Variants in ITGB6 observed in about 807,000 individuals in gnomAD.
ITGB6 encodes integrin beta-6.
A neutral mutation model predicts 84.5 loss-of-function variants in ITGB6; 80 were observed. The ratio of observed to expected loss-of-function variants is 0.95; its 90% confidence interval spans 0.79 to 1.14. ITGB6 has a LOEUF of 1.14. Ranked by LOEUF, ITGB6 falls within the 50% of genes most tolerant of loss-of-function variation. The pLI is 0.00. For synonymous variants in ITGB6, 383 were observed against 354.9 expected (o/e 1.08, Z -0.89); for missense variants, 1,006 against 968.0 (o/e 1.04, Z -0.52).
intron 4 of ITGB6, among the ~76,000 whole-genome samples, chr2:160,178,184 T>C (rs1426643737): frequency 6.6e-5 from 10 of 152,210 alleles, no homozygotes; most frequent in Non-Finnish European, 1.5e-4. Flanking sequence ...CAGTTATCTA[T>C]CTTTGGGCAA....
intron 8 of ITGB6, among the ~76,000 whole-genome samples, chr2:160,140,875 G>A (rs1208005584): frequency 2.0e-5 from 3 of 152,114 alleles, no homozygotes; most frequent in African/African-American, 7.2e-5. Flanking sequence ...AAAATTGGTG[G>A]GGCAACGTCA....
intron 7 of ITGB6, among the ~76,000 whole-genome samples, chr2:160,147,067 G>C (rs1684224432): frequency 7.1e-6 from 1 of 141,096 alleles, no homozygotes; most frequent in East Asian, 2.1e-4. Flanking sequence ...CTGGGTGACA[G>C]AGTGAGACCT....
intron 4 of ITGB6, among the ~76,000 whole-genome samples, chr2:160,187,092 G>A (rs62175396): frequency 0.15 from 23,526 of 151,956 alleles, 2,435 homozygotes; most frequent in Non-Finnish European, 0.24. Flanking sequence ...TTCTGCAAAC[G>A]TATCTTAGAA....
intron 4 of ITGB6, among the ~76,000 whole-genome samples, chr2:160,182,921 C>A (rs1685744350): frequency 6.6e-6 from 1 of 152,130 alleles, no homozygotes; most frequent in Admixed American, 6.6e-5. Flanking sequence ...GAAATAAAAT[C>A]CTTTACAGAC....
At position 160,099,701 on chromosome 2, in the gene ITGB6, A is replaced by G. The variant is rs938517100; in HGVS notation, c.*2035T>C. 1 of 152,238 alleles carries G rather than the reference A, an allele frequency of 6.6e-6. No homozygotes were observed. The highest frequency in any genetic ancestry group is 1.5e-5 in the Non-Finnish European group (1 of 68,032). 9.4% of individuals were successfully genotyped at this position (152,238 alleles called of 1,614,324 possible). A position where few individuals can be genotyped will look rare whatever the true frequency, so the allele number is the denominator to read the frequency against. The stretch of plus-strand genomic sequence containing the variant: ...TGTTTAAATTACCATGTTTATTTAT[A>G]TCAACACAAAATACAATAATAAACA... On this transcript the variant is annotated 3_prime_UTR_variant, in exon 15 of 15. Transcript: ENST00000283249.
chr2:160,115,376 A>G (rs1682721324), intron 12 of ITGB6, among the ~76,000 whole-genome samples: 2 of 152,202 alleles, frequency 1.3e-5, no homozygotes, highest in South Asian at 2.1e-4. Context: ...TTCTGCAGCC[A>G]CCGCTGCTGA....
At position 160,179,390 on chromosome 2, in the gene ITGB6, CT is replaced by C. The variant is rs71297445; in HGVS notation, c.594-5252del. On this transcript the variant is annotated intron_variant, in intron 4 of 14. Transcript: ENST00000283249. ...GCATTTCTTTTCTTTTTTTCTTTTT[CT>C]TTTTTTTTTTTTTTTGAGATGGACT... Among the ~76,000 whole-genome samples, 199 of 131,182 alleles carry C rather than the reference CT, an allele frequency of 1.5e-3. 1 individual carries two copies. Among genetic ancestry groups the C allele is most frequent in the South Asian group, 8.8e-3 (35 of 3,964 alleles). 86.1% of individuals were successfully genotyped at this position (131,182 alleles called of 152,430 possible).
At chr2:160,148,729 C>T (rs1260526624) in intron 7 of ITGB6, among the ~76,000 whole-genome samples, 4 of 152,200 alleles carry the variant, frequency 2.6e-5, no homozygotes, top group East Asian at 3.9e-4. Flanking sequence ...CCTGGAAAAA[C>T]GGGACATTCA....
chr2:160,183,945 C>T (rs1362388575), intron 4 of ITGB6, among the ~76,000 whole-genome samples: 1 of 152,162 alleles, frequency 6.6e-6, no homozygotes, highest in Non-Finnish European at 1.5e-5. Flanking sequence ...AACAAAGACA[C>T]AACGTAGTAG....
At chr2:160,172,842 A>C in intron 5 of ITGB6, 112 bp from the exon 6 acceptor site, 1 of 764,154 alleles carries the variant, frequency 1.3e-6, no homozygotes, top group East Asian at 2.5e-5. Flanking sequence ...TTGCTAGTCT[A>C]TTTTAGCCTT....
chr2:160,188,254 A>ATATG (rs1029641159), intron 4 of ITGB6, among the ~76,000 whole-genome samples: 1 of 152,162 alleles, frequency 6.6e-6, no homozygotes, highest in Non-Finnish European at 1.5e-5. Flanking sequence ...CTTGACATGT[A>ATATG]TATGTATGTA....
chr2:160,176,776 G>T (rs1403053668), intron 4 of ITGB6, among the ~76,000 whole-genome samples: 4 of 152,122 alleles, frequency 2.6e-5, no homozygotes, highest in Non-Finnish European at 5.9e-5. Flanking sequence ...AATAAGGCAG[G>T]TTCATTGAAG....
chr2:160,110,825 TG>T (rs1372663818), intron 13 of ITGB6, among the ~76,000 whole-genome samples: 1 of 152,146 alleles, frequency 6.6e-6, no homozygotes, highest in African/African-American at 2.4e-5. Flanking sequence ...CATGGACCTC[TG>T]GGGACAGGTT....
chr2:160,112,231 AC>A (rs762942313), intron 12 of ITGB6, 32 bp from the exon 13 acceptor site: 87 of 1,537,268 alleles, frequency 5.7e-5, no homozygotes, highest in Non-Finnish European at 1.2e-5. Context: ...ATTAGGTTAA[AC>A]AAGATTCCAA....
Position 160,196,225 on chromosome 2 carries a change from A to T in ITGB6, c.337T>A (p.Leu113Met), listed in dbSNP as rs767745535. ...QIAPQSLILK[L>M]RPGGAQTLQV... ...CCAAATCCTAACATACCTGGTCTCA[A>T]CTTAAGGATCAAGCTTTGAGGCGCA... Residue 113 changes from leucine (L) to methionine (M), a missense_variant, in exon 3 of 15, where the codon TTG (leucine) becomes ATG (methionine). Coordinates refer to ENST00000283249, the MANE Select transcript of ITGB6 (RefSeq NM_000888.5). The T allele has an allele frequency of 5.0e-6, 8 of 1,613,820 alleles. 1 individual carries two copies. The highest frequency in any genetic ancestry group is 5.9e-6 in the Non-Finnish European group (7 of 1,179,846).
intron 4 of ITGB6, among the ~76,000 whole-genome samples, chr2:160,187,297 T>C (rs748074989): frequency 3.3e-5 from 5 of 152,280 alleles, no homozygotes; most frequent in Admixed American, 6.5e-5. Context: ...AAATCACACA[T>C]TGGTTAAAAA....
intron 12 of ITGB6, among the ~76,000 whole-genome samples, chr2:160,119,208 G>C (rs1422345250): frequency 6.6e-6 from 1 of 152,196 alleles, no homozygotes; most frequent in Non-Finnish European, 1.5e-5. Context: ...GCGTCACCAA[G>C]TCAATCCTAA....
At chr2:160,170,140 A>T (rs1177602225) in intron 6 of ITGB6, among the ~76,000 whole-genome samples, 1 of 152,224 alleles carries the variant, frequency 6.6e-6, no homozygotes, top group Non-Finnish European at 1.5e-5. Context: ...CATAAGTAAC[A>T]TATGTTAATT....
rs780549686 is a variant in ITGB6, at chr2:160,137,751, A to G, written c.1343T>C (p.Val448Ala). Residue 448 changes from valine to alanine, a missense_variant, in exon 10 of 15, where the codon GTC becomes GCC. By Grantham distance (64) the Val-to-Ala change is moderately conservative. Coordinates refer to ENST00000283249, the MANE Select transcript of ITGB6 (RefSeq NM_000888.5). ...ACAGTCGCAGTTGCATTCTGGGCTG[A>G]CAAGTAATTCCAGGGCATCCCCCAG... ...VGLGDALELL[V>A]SPECNCDCQK... is the part of the protein sequence containing the mutation. 3.7e-6 allele frequency: 6 copies of G among 1,614,074 alleles called. No homozygotes were observed. The East Asian group carries it at 1.1e-4, about 30-fold the overall frequency.
Sources: allele counts gnomAD v4.1 joint callset (sites outside exome capture counted in the v4.1 genomes callset), GRCh38; gene constraint gnomAD v4.1.1; transcripts MANE v1.5; gene names NCBI Gene and HGNC (gene_info 2026-07-23, HGNC 2026-07-21).